The following KIRREL3 variants were observed in gnomAD, a reference collection of about 807,000 sequenced individuals.
The protein encoded by KIRREL3 is kin of IRRE-like protein 3.
A neutral mutation model predicts 89.7 loss-of-function variants in KIRREL3; 36 were observed. The ratio of observed to expected loss-of-function variants is 0.40; its 90% CI spans 0.31 to 0.53. The LOEUF (loss-of-function observed/expected upper bound fraction) is 0.53, where lower values mean the gene tolerates loss of function less well. Ranked by LOEUF, KIRREL3 falls within the 20% of genes least tolerant of loss-of-function variation. KIRREL3 has a pLI of 0.49. For missense variants in KIRREL3, 864 were observed against 1,056.6 expected (o/e 0.82, Z 2.53); for synonymous variants, 445 against 441.4 (o/e 1.01, Z -0.10).
At position 126,923,201 on chromosome 11, in the gene KIRREL3, C is replaced by CTT. The variant is rs1361700314; in HGVS notation, c.55+77252_55+77253dup. 7.0e-4 allele frequency among the ~76,000 whole-genome samples: 12 copies of CTT among 17,236 alleles called. 5 individuals carry two copies. Among genetic ancestry groups the CTT allele is most frequent in the East Asian group, 1.1e-3 (1 of 894 alleles). The allele number at this position is 17,236 out of a possible 152,430, so 11.3% of individuals were successfully genotyped here. On this transcript the variant is annotated intron_variant, in intron 1 of 16. Transcript: ENST00000525144. ...CTCTTCTTCTTCTCTTCTTCTTCTTCTTCTTCTTCTTCTTCTTCTTCTTCT... is the reference window on the plus strand; with the variant it reads ...CTCTTCTTCTTCTCTTCTTCTTCTTCTTTTCTTCTTCTTCTTCTTCTTCTTCT...
chr11:126,529,206 G>A (rs1958863311), intron 2 of KIRREL3, among the ~76,000 whole-genome samples: 1 of 151,858 alleles, frequency 6.6e-6, no homozygotes, highest in Non-Finnish European at 1.5e-5. Context: ...TGGGGTGCAA[G>A]AAGCATCCGA....
In KIRREL3 at chr11:126,694,164, G is replaced by A. The variant is rs372768769; in HGVS notation, c.56-131252C>T. On this transcript the variant is annotated intron_variant, in intron 1 of 16. Coordinates refer to ENST00000525144, the MANE Select transcript of KIRREL3 (RefSeq NM_032531.4). This position sits in a 1 kb window ranked among gnomAD's most constrained non-coding sequence, Gnocchi z 4.4. ...ATTCGTTTTTTTTCCTTTCAAAGTC[G>A]TCAGGCAGTAAAAGAAAATTGCAGG... 1.5e-3 allele frequency among the ~76,000 whole-genome samples: 233 copies of A among 152,322 alleles called. 3 individuals are homozygous for A. The highest frequency in any genetic ancestry group is 0.015 in the South Asian group (70 of 4,826).
At position 126,755,767 on chromosome 11, in the gene KIRREL3, C is replaced by T. The variant is rs530147112; in HGVS notation, c.56-192855G>A. 3.3e-5 allele frequency among the ~76,000 whole-genome samples: 5 copies of T among 151,798 alleles called. No individual in the cohort carries two copies. The highest frequency in any genetic ancestry group is 7.4e-5 in the Non-Finnish European group (5 of 67,998). On this transcript the variant is annotated intron_variant, in intron 1 of 16. Transcript: ENST00000525144. This position sits in a 1 kb window ranked among gnomAD's most constrained non-coding sequence, Gnocchi z 4.3. The stretch of plus-strand genomic sequence containing the variant: ...ACTCTTTCCATGCCCCTTCTTTGCA[C>T]TTTTTCCACCCCCTCACCACTACCC...
chr11:126,540,270 C>T (rs1039708577), intron 2 of KIRREL3, among the ~76,000 whole-genome samples: 3 of 152,224 alleles, frequency 2.0e-5, no homozygotes, highest in Admixed American at 6.5e-5. Context: ...ATGAACATTA[C>T]AGAAATTGCA....
intron 6 of KIRREL3, among the ~76,000 whole-genome samples, chr11:126,458,857 C>T (rs1591574500): frequency 6.6e-6 from 1 of 152,198 alleles, no homozygotes; most frequent in Non-Finnish European, 1.5e-5. Context: ...GCTCCTCCCA[C>T]CCCCAGAACC....
intron 1 of KIRREL3, chr11:126,935,941 T>C (rs1335061161): frequency 1.3e-5 from 2 of 152,188 alleles, no homozygotes; most frequent in African/African-American, 4.8e-5. Flanking sequence ...CTCTGGCTGG[T>C]GTGAGATATC....
At position 126,769,383 on chromosome 11, in the gene KIRREL3, C is replaced by T. The variant is rs1949948886; in HGVS notation, c.56-206471G>A. Among the ~76,000 whole-genome samples the T allele has an allele frequency of 6.6e-6, 1 of 152,142 alleles. No homozygotes were observed. The highest frequency in any genetic ancestry group is 2.4e-5 in the African/African-American group (1 of 41,422). On this transcript the variant is annotated intron_variant, in intron 1 of 16. Coordinates refer to ENST00000525144, the MANE Select transcript of KIRREL3 (RefSeq NM_032531.4). This position sits in a 1 kb window ranked among gnomAD's most constrained non-coding sequence, Gnocchi z 4.3. ...TTTGGTGATAAAGAGAGGCCAGAGTCTCACAAATCCTGCAATATCTGTCCA... is the reference window on the plus strand; with the variant it reads ...TTTGGTGATAAAGAGAGGCCAGAGTTTCACAAATCCTGCAATATCTGTCCA...
intron 1 of KIRREL3, among the ~76,000 whole-genome samples, chr11:126,713,872 G>T (rs1474133595): frequency 2.0e-5 from 3 of 152,160 alleles, no homozygotes; most frequent in Non-Finnish European, 2.9e-5. Context: ...CTGAAAATGG[G>T]TTGCAGGGGG....
In KIRREL3 at chr11:126,704,587, G is replaced by A. The variant is rs368953451; in HGVS notation, c.56-141675C>T. On this transcript the variant is annotated intron_variant, in intron 1 of 16. Transcript: ENST00000525144. The surrounding 1 kb of genome is among the most constrained non-coding windows in gnomAD (Gnocchi z 4.2). ...GTGTTGTGTGTCCCTGTACACGTGC[G>A]TATTTGGCTCAGGCTGACTTTCCAT... is the stretch of plus-strand genomic sequence containing the variant. Among the ~76,000 whole-genome samples the A allele has an allele frequency of 1.4e-4, 22 of 152,268 alleles. No homozygotes were observed. Among genetic ancestry groups the A allele is most frequent in the Admixed American group, 7.2e-4 (11 of 15,296 alleles).
chr11:126,688,051 C>T (rs1270445522), intron 1 of KIRREL3, among the ~76,000 whole-genome samples: 1 of 152,244 alleles, frequency 6.6e-6, no homozygotes, highest in African/African-American at 2.4e-5. Flanking sequence ...TTAGGAACGA[C>T]TCCTGCCTCT....
At chr11:126,973,051 A>G (rs1949471263) in intron 1 of KIRREL3, among the ~76,000 whole-genome samples, 1 of 149,604 alleles carries the variant, frequency 6.7e-6, no homozygotes, top group Admixed American at 6.7e-5. Context: ...GAGAGACTGG[A>G]GAACAATTTA....
intron 1 of KIRREL3, among the ~76,000 whole-genome samples, chr11:126,632,985 G>A (rs1461415054): frequency 2.0e-5 from 3 of 151,640 alleles, no homozygotes; most frequent in South Asian, 2.1e-4. Context: ...CCAGCTATTC[G>A]GGAGGCTGAG....
chr11:126,812,187 G>A lies in KIRREL3; in HGVS notation c.55+188268C>T, dbSNP rs552264225. On this transcript the variant is annotated intron_variant, in intron 1 of 16. Coordinates refer to ENST00000525144, the MANE Select transcript of KIRREL3 (RefSeq NM_032531.4). The surrounding 1 kb of genome is among the most constrained non-coding windows in gnomAD (Gnocchi z 5.2). ...ATTCTTTCTATTGTGATCATAAGAA[G>A]AAGAAGGCCAAAGGATCATTAATTT... 1.3e-5 allele frequency among the ~76,000 whole-genome samples: 2 copies of A among 152,304 alleles called. No individual in the cohort carries two copies. The highest frequency in any genetic ancestry group is 2.4e-5 in the African/African-American group (1 of 41,552).
rs1279652917 is a variant in KIRREL3 at position 126,559,608 on chromosome 11, G to A, written c.133+3227C>T. On this transcript the variant is annotated intron_variant, in intron 2 of 16. Transcript: ENST00000525144. Reference sequence around the variant, plus strand: ...ATGGAAGGCAGGATCTCTTTGTGGAGGTGACACATACACTGAGATGTATTT... The same window carrying A: ...ATGGAAGGCAGGATCTCTTTGTGGAAGTGACACATACACTGAGATGTATTT... 2.0e-5 allele frequency among the ~76,000 whole-genome samples: 3 copies of A among 152,158 alleles called. No individual in the cohort carries two copies. The East Asian group carries it at 5.8e-4, about 29-fold the overall frequency.
chr11:126,516,545 C>T lies in KIRREL3; in HGVS notation c.433+4770G>A, dbSNP rs1177869037. ...GCAAGGATGGTTTTCTCTTTCGTTT[C>T]CTGATGAATCCCACGTGTCTAGACT... On this transcript the variant is annotated intron_variant, in intron 4 of 16. Transcript: ENST00000525144. The surrounding 1 kb of genome is among the most constrained non-coding windows in gnomAD (Gnocchi z 4.9). Among the ~76,000 whole-genome samples, 2 of 152,176 alleles carry T rather than the reference C, an allele frequency of 1.3e-5. No homozygotes were observed. Among genetic ancestry groups the T allele is most frequent in the East Asian group, 3.8e-4 (2 of 5,200 alleles).
intron 1 of KIRREL3, among the ~76,000 whole-genome samples, chr11:126,863,199 A>G (rs1356217947): frequency 6.6e-6 from 1 of 152,174 alleles, no homozygotes; most frequent in Non-Finnish European, 1.5e-5. Context: ...CTGGCTTGGA[A>G]CGTGCTACCT....
chr11:126,543,914 TG>T (rs1250788464), intron 2 of KIRREL3: 1 of 152,274 alleles, frequency 6.6e-6, no homozygotes, highest in African/African-American at 2.4e-5. Context: ...TCTTTGCCAC[TG>T]CCACCGTGGT....
At chr11:126,913,165 T>C (rs928300274) in intron 1 of KIRREL3, among the ~76,000 whole-genome samples, 1 of 151,830 alleles carries the variant, frequency 6.6e-6, no homozygotes, top group Admixed American at 6.6e-5. Context: ...CCTTTCTCCA[T>C]GAGATAGTTA....
chr11:126,875,526 C>A (rs1001046788), intron 1 of KIRREL3, among the ~76,000 whole-genome samples: 3 of 152,166 alleles, frequency 2.0e-5, no homozygotes, highest in Admixed American at 6.5e-5. Context: ...AATTTTAATG[C>A]CAGCAGAAGG....
Sources: allele counts gnomAD v4.1 joint callset (sites outside exome capture counted in the v4.1 genomes callset), GRCh38; gene constraint gnomAD v4.1.1; non-coding constraint Gnocchi (gnomAD v3.1); transcripts MANE v1.5; gene names NCBI Gene and HGNC (gene_info 2026-07-23, HGNC 2026-07-21).